Variants in GRID2 observed in about 807,000 individuals in gnomAD.
GRID2 encodes the protein glutamate receptor ionotropic, delta-2.
In GRID2, 33 loss-of-function variants were observed where a neutral mutation model predicts 114.8. The observed-to-expected ratio is 0.29, with a 90% CI of 0.22 to 0.38. The LOEUF (loss-of-function observed/expected upper bound fraction) is 0.38. Among genes scored for constraint, GRID2 ranks in the 10% least tolerant of loss-of-function variants. The probability of loss-of-function intolerance (pLI) is 1.00; values close to 1 mark genes in which losing one functional copy is unlikely to be tolerated. For missense variants in GRID2, 1,184 were observed against 1,257.7 expected (o/e 0.94, Z 0.89); for synonymous variants, 505 against 449.9 (o/e 1.12, Z -1.55).
intron 14 of GRID2, among the ~76,000 whole-genome samples, chr4:93,738,687 G>C (rs1356139840): frequency 2.0e-5 from 3 of 152,098 alleles, no homozygotes; most frequent in African/African-American, 7.2e-5. Context: ...CTTGGAGAAG[G>C]AGAGCAAATA....
chr4:92,760,137 G>C (rs995990465), intron 2 of GRID2, among the ~76,000 whole-genome samples: 2 of 150,460 alleles, frequency 1.3e-5, no homozygotes, highest in African/African-American at 4.9e-5. Flanking sequence ...CTACTCAGGA[G>C]GTGAGGCAGG....
intron 14 of GRID2, among the ~76,000 whole-genome samples, chr4:93,637,365 T>G (rs1032647668): frequency 6.6e-5 from 10 of 152,128 alleles, no homozygotes; most frequent in African/African-American, 2.4e-4. Context: ...GATTTGAAAT[T>G]TTCCAAAATC....
At chr4:92,933,283 TGGTGTAA>T (rs1750385262) in intron 2 of GRID2, among the ~76,000 whole-genome samples, 1 of 151,268 alleles carries the variant, frequency 6.6e-6, no homozygotes, top group Admixed American at 6.6e-5. Flanking sequence ...TTATTTTAAG[TGGTGTAA>T]GATATTAGGA....
chr4:92,684,561 A>G (rs954050290), intron 2 of GRID2, among the ~76,000 whole-genome samples: 5 of 152,170 alleles, frequency 3.3e-5, no homozygotes, highest in African/African-American at 4.8e-5. Context: ...GTGAATTACA[A>G]TGATCAAATT....
At chr4:93,332,755 G>A (rs974590572) in intron 8 of GRID2, among the ~76,000 whole-genome samples, 1 of 152,002 alleles carries the variant, frequency 6.6e-6, no homozygotes, top group Admixed American at 6.6e-5. Context: ...GCCTCTCTAC[G>A]TTACCCAGAA....
At chr4:93,453,221 C>G (rs1722864658) in intron 10 of GRID2, among the ~76,000 whole-genome samples, 1 of 151,538 alleles carries the variant, frequency 6.6e-6, no homozygotes, top group Admixed American at 6.6e-5. Flanking sequence ...CTACCACATA[C>G]TCATTATCCA....
intron 2 of GRID2, among the ~76,000 whole-genome samples, chr4:92,672,241 C>T (rs1398117966): frequency 6.6e-6 from 1 of 152,044 alleles, no homozygotes; most frequent in Non-Finnish European, 1.5e-5. Flanking sequence ...CATTTCTCAC[C>T]TGTTCCTTTC....
intron 2 of GRID2, among the ~76,000 whole-genome samples, chr4:92,898,593 G>T (rs1199853198): frequency 6.6e-6 from 1 of 152,106 alleles, no homozygotes; most frequent in Admixed American, 6.6e-5. Flanking sequence ...CTTTTAATTG[G>T]ATGATTGCAG....
intron 2 of GRID2, among the ~76,000 whole-genome samples, chr4:92,931,357 T>G: frequency 6.6e-6 from 1 of 150,936 alleles, no homozygotes; most frequent in African/African-American, 2.4e-5. Context: ...TATGAAAACC[T>G]TACAGCTAGC....
intron 8 of GRID2, among the ~76,000 whole-genome samples, chr4:93,380,429 A>C (rs1010723229): frequency 1.3e-5 from 2 of 150,494 alleles, no homozygotes; most frequent in African/African-American, 4.9e-5. Flanking sequence ...TAAGCAGATG[A>C]CTTTGGGGCA....
In GRID2 at chr4:93,304,196, T is replaced by G. The variant is rs192056111; in HGVS notation, c.1245+65706T>G. The stretch of plus-strand genomic sequence containing the variant: ...ACTTTATTTTCGTAAAATCTGAAAT[T>G]TAATTTAAAATCGAGAACTATTTTT... On this transcript the variant is annotated intron_variant, in intron 8 of 15. Transcript: ENST00000282020. 2.6e-3 allele frequency among the ~76,000 whole-genome samples: 304 copies of G among 116,378 alleles called. 4 individuals carry two copies. In the Middle Eastern group the frequency reaches 0.032, roughly 12 times the overall value. 76.3% of individuals were successfully genotyped at this position (116,378 alleles called of 152,430 possible). A position where few individuals can be genotyped will look rare whatever the true frequency, so the allele number is the denominator to read the frequency against.
In GRID2 at chr4:93,772,407, C is replaced by T; in HGVS notation, c.2933C>T (p.Pro978Leu). 6.2e-7 allele frequency: 1 copy of T among 1,613,772 alleles called. No homozygotes were observed. The highest frequency in any genetic ancestry group is 8.5e-7 in the Non-Finnish European group (1 of 1,179,782). The change falls in exon 16 of 16, where the codon CCT (proline) becomes CTT (leucine). Residue 978 changes from proline to leucine, a missense_variant. By Grantham distance (98) the Pro-to-Leu change is moderately conservative (BLOSUM62 -3). Transcript: ENST00000282020. ...CCTAATGGGGGCTTTTTCAGGAGTC[C>T]TATAAAAACAATGTCATCTATTCCT... is the stretch of plus-strand genomic sequence containing the variant. ...RAPNGGFFRSPIKTMSSIPYQ... is the reference protein window; with the variant it reads ...RAPNGGFFRSLIKTMSSIPYQ...
intron 1 of GRID2, among the ~76,000 whole-genome samples, chr4:92,532,444 A>G (rs1461337433): frequency 6.6e-6 from 1 of 152,176 alleles, no homozygotes; most frequent in African/African-American, 2.4e-5. Context: ...GCAACACAAC[A>G]ACACAACATA....
At chr4:92,473,064 G>A (rs762430863) in intron 1 of GRID2, among the ~76,000 whole-genome samples, 13 of 151,840 alleles carry the variant, frequency 8.6e-5, no homozygotes, top group Non-Finnish European at 1.5e-4. Context: ...GAATGATTTT[G>A]GGTTATTTTT....
intron 14 of GRID2, among the ~76,000 whole-genome samples, chr4:93,667,365 T>A (rs1030283319): frequency 6.6e-6 from 1 of 151,706 alleles, no homozygotes; most frequent in East Asian, 1.9e-4. Context: ...GTATCCAATA[T>A]ATCTGTTAGA....
At chr4:92,439,276 A>G (rs578201747) in intron 1 of GRID2, among the ~76,000 whole-genome samples, 21 of 152,140 alleles carry the variant, frequency 1.4e-4, no homozygotes, top group Middle Eastern at 3.4e-3. Flanking sequence ...GTGGTGGAAT[A>G]TCATCAGTTA....
chr4:92,703,273 G>A (rs890662851), intron 2 of GRID2, among the ~76,000 whole-genome samples: 5 of 152,158 alleles, frequency 3.3e-5, no homozygotes, highest in African/African-American at 1.2e-4. Flanking sequence ...CATGGAGCCT[G>A]CCCCTGCAAA....
intron 8 of GRID2, among the ~76,000 whole-genome samples, chr4:93,289,036 A>C (rs1753469440): frequency 6.6e-6 from 1 of 152,230 alleles, no homozygotes; most frequent in Non-Finnish European, 1.5e-5. Context: ...AAAAGGCTGT[A>C]ATATAATAAG....
At chr4:92,838,025 A>G (rs917421242) in intron 2 of GRID2, among the ~76,000 whole-genome samples, 13 of 152,224 alleles carry the variant, frequency 8.5e-5, no homozygotes, top group African/African-American at 3.1e-4. Flanking sequence ...AGCAATTATG[A>G]ACCTAAACTC....
Sources: allele counts gnomAD v4.1 joint callset (sites outside exome capture counted in the v4.1 genomes callset), GRCh38; gene constraint gnomAD v4.1.1; transcripts MANE v1.5; gene names NCBI Gene and HGNC (gene_info 2026-07-23, HGNC 2026-07-21).